The following GCKR variants were observed in gnomAD, a reference collection of about 807,000 sequenced individuals.
The protein encoded by GCKR is glucokinase regulator.
GCKR carries 73 observed loss-of-function variants against 82.9 expected under a neutral mutation model. That is an observed-to-expected ratio of 0.88 (90% confidence interval 0.73 to 1.07). The LOEUF (loss-of-function observed/expected upper bound fraction) is 1.07, where lower values mean the gene tolerates loss of function less well. Ranked by LOEUF, GCKR falls within the 50% of genes least tolerant of loss-of-function variation. The probability of loss-of-function intolerance (pLI) is 0.00; values close to 1 mark genes in which losing one functional copy is unlikely to be tolerated. For missense variants in GCKR, 784 were observed against 782.1 expected, an observed-to-expected ratio of 1.00 and a Z score of -0.03; for synonymous variants, 294 against 291.8, an observed-to-expected ratio of 1.01 and a Z score of -0.08.
intron 16 of GCKR, among the ~76,000 whole-genome samples, chr2:27,518,548 A>C (rs1377613216): frequency 6.6e-6 from 1 of 152,198 alleles, no homozygotes; most frequent in Non-Finnish European, 1.5e-5. Context: ...CTCAGAGAAC[A>C]TGTCTGTCTA....
At position 27,499,461 on chromosome 2, in the gene GCKR, A is replaced by G; in HGVS notation, c.549+11A>G. 1 of 1,581,332 alleles carries G rather than the reference A, an allele frequency of 6.3e-7. No homozygotes were observed. Among genetic ancestry groups the G allele is most frequent in the Non-Finnish European group, 8.7e-7 (1 of 1,150,018 alleles). On this transcript the variant is annotated intron_variant, in intron 7 of 18. Coordinates refer to ENST00000264717, the MANE Select transcript of GCKR (RefSeq NM_001486.4). Reference sequence around the variant, plus strand: ...TCTGTGGGACTCTCTGTGAGTAAAAAGATGGGTTGAGTGGATCAATTTTAG... The same window carrying G: ...TCTGTGGGACTCTCTGTGAGTAAAAGGATGGGTTGAGTGGATCAATTTTAG...
chr2:27,519,306 C>CTT (rs915176817), intron 17 of GCKR, among the ~76,000 whole-genome samples: 1 of 144,898 alleles, frequency 6.9e-6, no homozygotes, highest in Non-Finnish European at 1.5e-5. Flanking sequence ...TGCTCTCATT[C>CTT]TTTTTTTTTT....
intron 8 of GCKR, among the ~76,000 whole-genome samples, chr2:27,502,106 G>A (rs1160058554): frequency 6.6e-6 from 1 of 152,180 alleles, no homozygotes; most frequent in African/African-American, 2.4e-5. Context: ...TTTTAGAGCA[G>A]CTTTTTGTAT....
In GCKR at chr2:27,497,616, C is replaced by T. The variant is rs747595070; in HGVS notation, c.271C>T (p.Gln91Ter). Residue 91 changes from glutamine (Q) to a stop codon, truncating the protein, a stop_gained, in exon 3 of 19, where the codon CAG (glutamine) becomes TAG (stop). Coordinates refer to ENST00000264717, the MANE Select transcript of GCKR (RefSeq NM_001486.4). LOFTEE classifies it high-confidence loss of function. ...CATGGTACAGGTGGCTGGGAAAGTTCAGGAAGTGCTGAAGGTACTAACCTT... is the reference window on the plus strand; with the variant it reads ...CATGGTACAGGTGGCTGGGAAAGTTTAGGAAGTGCTGAAGGTACTAACCTT... ...TTMVQVAGKV[Q>*]EVLKEPDGGL... The T allele has an allele frequency of 4.3e-6, 7 of 1,609,536 alleles. No homozygotes were observed. In the South Asian group the frequency reaches 7.7e-5, roughly 18 times the overall value.
At chr2:27,504,591 G>A (rs1033931771) in intron 9 of GCKR, among the ~76,000 whole-genome samples, 1 of 151,352 alleles carries the variant, frequency 6.6e-6, no homozygotes, top group East Asian at 2.0e-4. Flanking sequence ...CAGGTGATCC[G>A]CCCGCCTCGG....
At chr2:27,518,677 T>G (rs1237923479) in intron 16 of GCKR, 111 bp from the exon 17 acceptor site, 1 of 862,004 alleles carries the variant, frequency 1.2e-6, no homozygotes, top group African/African-American at 1.6e-5. Flanking sequence ...TGTTTGCATT[T>G]TGGTCCCTGG....
chr2:27,520,742 T>C (rs1670130503), intron 17 of GCKR, among the ~76,000 whole-genome samples: 1 of 152,102 alleles, frequency 6.6e-6, no homozygotes, highest in African/African-American at 2.4e-5. Context: ...AGCACCCAAA[T>C]TGAGGTGGGC....
At position 27,501,192 on chromosome 2, in the gene GCKR, C is replaced by A; in HGVS notation, c.607C>A (p.Pro203Thr). 1.9e-6 allele frequency: 3 copies of A among 1,613,942 alleles called. No homozygotes were observed. Among genetic ancestry groups the A allele is most frequent in the Non-Finnish European group, 2.5e-6 (3 of 1,179,784 alleles). The change falls in exon 8 of 19, where the codon CCA (proline) becomes ACA (threonine). Residue 203 changes from proline to threonine, a missense_variant. Physicochemically the swap from Pro to Thr is conservative, Grantham distance 38. Transcript: ENST00000264717. Reference sequence around the variant, plus strand: ...CATGAACAACACAGCTGTCTTCTTGCCAGTCCTGGTTGGCTTCAATCCAGT... The same window carrying A: ...CATGAACAACACAGCTGTCTTCTTGACAGTCCTGGTTGGCTTCAATCCAGT... ...CCMNNTAVFL[P>T]VLVGFNPVSM...
At chr2:27,513,421 T>C (rs924670484) in intron 16 of GCKR, among the ~76,000 whole-genome samples, 11 of 151,474 alleles carry the variant, frequency 7.3e-5, no homozygotes, top group African/African-American at 2.4e-4. Context: ...TCCCAGATAC[T>C]CAGGAGGCTG....
chr2:27,508,263 G>T lies in GCKR; in HGVS notation c.1422+12G>T. 6.6e-7 allele frequency: 1 copy of T among 1,523,822 alleles called. No homozygotes were observed. The highest frequency in any genetic ancestry group is 1.1e-5 in the South Asian group (1 of 89,184). 94.4% of individuals were successfully genotyped at this position (1,523,822 alleles called of 1,614,324 possible). ...GGAACTTCATCCAGGTATGGGGAAT[G>T]AGAAGGTCCTATCTGCAGTAAGGGG... On this transcript the variant is annotated intron_variant, in intron 16 of 18. Transcript: ENST00000264717.
rs1170774262 is a variant in GCKR, at chr2:27,498,212, C to G, written c.286-43C>G. The G allele has an allele frequency of 4.9e-6, 7 of 1,438,066 alleles. No individual in the cohort carries two copies. In the East Asian group the frequency reaches 1.6e-4, roughly 33 times the overall value. 89.1% of individuals were successfully genotyped at this position (1,438,066 alleles called of 1,614,324 possible). A position where few individuals can be genotyped will look rare whatever the true frequency, so the allele number is the denominator to read the frequency against. On this transcript the variant is annotated intron_variant, in intron 3 of 18. Coordinates refer to ENST00000264717, the MANE Select transcript of GCKR (RefSeq NM_001486.4). ...AAAGAAAAGAATATTCTTCTCCCAA[C>G]CTGAGCCAGGCCCTGGTAATATATG... is the stretch of plus-strand genomic sequence containing the variant.
intron 7 of GCKR, among the ~76,000 whole-genome samples, chr2:27,499,861 G>A (rs559519395): frequency 3.9e-5 from 6 of 152,068 alleles, no homozygotes; most frequent in East Asian, 1.9e-4. Context: ...AGGTTCAAGC[G>A]ATTCTCCTGC....
At chr2:27,519,057 T>G (rs2148592693) in intron 17 of GCKR, 120 bp downstream of exon 17, 1 of 834,542 alleles carries the variant, frequency 1.2e-6, no homozygotes, top group South Asian at 1.5e-5. Flanking sequence ...TTCTGTGTGC[T>G]TCTGCTCCTC....
At chr2:27,501,577 T>TG (rs1669579168) in intron 8 of GCKR, 2 of 400,582 alleles carry the variant, frequency 5.0e-6, no homozygotes, top group African/African-American at 4.2e-5. Context: ...TGCTTTCATA[T>TG]GGGGGTGAGC....
intron 16 of GCKR, among the ~76,000 whole-genome samples, chr2:27,510,012 A>T (rs1303992587): frequency 1.4e-5 from 2 of 142,260 alleles, no homozygotes; most frequent in African/African-American, 2.6e-5. Flanking sequence ...CACTACTATC[A>T]TTTTTTTTTT....
rs1444679434 is a variant in GCKR, at chr2:27,517,389, G to A, written c.1423-1399G>A. Among the ~76,000 whole-genome samples, 4 of 152,256 alleles carry A rather than the reference G, an allele frequency of 2.6e-5. No individual in the cohort carries two copies. The East Asian group carries it at 7.7e-4, about 29-fold the overall frequency. On this transcript the variant is annotated intron_variant, in intron 16 of 18. Coordinates refer to ENST00000264717, the MANE Select transcript of GCKR (RefSeq NM_001486.4). ...GCCTCAGGAAACTTACAATCATGGT[G>A]GAAGGTGAAGGGGAAGTAAGGCATC...
rs1182688288 is a variant in GCKR at position 27,503,604 on chromosome 2, C to T, written c.735C>T (p.Leu245=). 5 of 1,592,090 alleles carry T rather than the reference C, an allele frequency of 3.1e-6. No homozygotes were observed. In the East Asian group the frequency reaches 8.9e-5, roughly 28 times the overall value. The change falls in exon 9 of 19, where the codon CTC becomes CTT. Residue 245 remains leucine, a synonymous_variant. Coordinates refer to ENST00000264717, the MANE Select transcript of GCKR (RefSeq NM_001486.4). ...AGGAGAAACAGAAAGCTTTTGTGCT[C>T]AATCCTGCCATCGGGGTAGGGCCTC... ...KMQEKQKAFV[L]NPAIGPEGLS... is the part of the protein sequence containing the mutation.
intron 10 of GCKR, among the ~76,000 whole-genome samples, chr2:27,506,096 G>A (rs1157832254): frequency 6.6e-6 from 1 of 152,128 alleles, no homozygotes; most frequent in Non-Finnish European, 1.5e-5. Context: ...TCCAAAGCTA[G>A]CCTGGCTCCC....
intron 16 of GCKR, chr2:27,509,428 C>T: frequency 3.4e-6 from 1 of 291,406 alleles, no homozygotes; most frequent in South Asian, 2.7e-5. Flanking sequence ...CAACCTCCGC[C>T]TCCCCTGCTC....
Sources: allele counts gnomAD v4.1 joint callset (sites outside exome capture counted in the v4.1 genomes callset), GRCh38; gene constraint gnomAD v4.1.1; transcripts MANE v1.5; gene names NCBI Gene and HGNC (gene_info 2026-07-23, HGNC 2026-07-21).